The following PLEKHG6 variants were observed in gnomAD, a reference collection of about 807,000 sequenced individuals.
The protein encoded by PLEKHG6 is pleckstrin homology and RhoGEF domain containing G6, also known as pleckstrin homology domain-containing family G member 6.
In PLEKHG6, 91 loss-of-function variants were observed where a neutral mutation model predicts 97.5. The observed-to-expected ratio is 0.93, with a 90% confidence interval of 0.79 to 1.11. The LOEUF (loss-of-function observed/expected upper bound fraction) is 1.11, where lower values mean the gene tolerates loss of function less well. PLEKHG6 is among the 50% of genes most tolerant of loss of function. The probability of loss-of-function intolerance (pLI) is 0.00; values close to 1 mark genes in which losing one functional copy is unlikely to be tolerated. For missense variants in PLEKHG6, 1,044 were observed against 1,031.0 expected (o/e 1.01, Z -0.17); for synonymous variants, 466 against 425.5 (o/e 1.10, Z -1.17).
At chr12:6,310,344 G>A (rs1012190342), upstream of PLEKHG6, 1 of 152,406 alleles carries the variant, frequency 6.6e-6, no homozygotes, top group Non-Finnish European at 1.5e-5. Context: ...CACTCGCCGC[G>A]ACCAGCAGGA....
intron 13 of PLEKHG6, among the ~76,000 whole-genome samples, chr12:6,323,043 G>A (rs781333811): frequency 3.3e-5 from 5 of 151,524 alleles, no homozygotes; most frequent in Admixed American, 2.0e-4. Flanking sequence ...TTTTTCCTTC[G>A]GAACTGCCAC....
At chr12:6,319,260 C>T (rs1199151890) in intron 13 of PLEKHG6, 152 bp downstream of exon 13, 1 of 624,734 alleles carries the variant, frequency 1.6e-6, no homozygotes, top group Non-Finnish European at 2.8e-6. Flanking sequence ...CCAGCCTGGC[C>T]AACATGGTGA....
chr12:6,327,638 C>A lies in PLEKHG6; in HGVS notation c.2055C>A (p.Leu685=), dbSNP rs368981763. The A allele has an allele frequency of 6.4e-7, 1 of 1,565,016 alleles. No individual in the cohort carries two copies. The highest frequency in any genetic ancestry group is 1.4e-5 in the African/African-American group (1 of 73,574). ...GAGGGAATGTGGTGGTGGAAACACT[C>A]CACAGGGCCCGGCTTCGGGGCCAGC... ...SERGNVVVET[L]HRARLRGQLP... Residue 685 remains leucine (L), a synonymous_variant, in exon 15 of 16, where the codon CTC becomes CTA. Transcript: ENST00000684764.
At chr12:6,311,479 G>C (rs1039173248) in intron 1 of PLEKHG6, among the ~76,000 whole-genome samples, 4 of 152,196 alleles carry the variant, frequency 2.6e-5, no homozygotes, top group African/African-American at 9.7e-5. Flanking sequence ...AGACTTCGCG[G>C]CCTACACCGT....
Position 6,316,266 on chromosome 12 carries a change from G to C in PLEKHG6, c.618G>C (p.Glu206Asp), listed in dbSNP as rs1267049366. ...GCTCCCTCCTCCAGGTGTCAGCTGA[G>C]ACCCTGTTTGGAAATGTCCCCAGCC... ...RVGLLMEVSA[E>D]TLFGNVPSLI... is the part of the protein sequence containing the mutation. The change falls in exon 7 of 16, where the codon GAG becomes GAC. Residue 206 changes from glutamate (E) to aspartate (D), a missense_variant. Transcript: ENST00000684764. This position sits in a 1 kb window ranked among gnomAD's most constrained non-coding sequence, Gnocchi z 4.1. 2 of 1,553,578 alleles carry C rather than the reference G, an allele frequency of 1.3e-6. No individual in the cohort carries two copies. Among genetic ancestry groups the C allele is most frequent in the South Asian group, 1.2e-5 (1 of 84,042 alleles).
chr12:6,311,830 AC>A (rs969799262), intron 1 of PLEKHG6, among the ~76,000 whole-genome samples: 4 of 144,764 alleles, frequency 2.8e-5, no homozygotes, highest in African/African-American at 1.0e-4. Flanking sequence ...GAACCCTCCC[AC>A]CTGGGTGTAT....
At chr12:6,325,069 G>C (rs930568535) in intron 13 of PLEKHG6, among the ~76,000 whole-genome samples, 3 of 152,110 alleles carry the variant, frequency 2.0e-5, no homozygotes, top group African/African-American at 7.2e-5. Context: ...GGCCATACCA[G>C]CAAGTCCTGA....
At chr12:6,312,814 G>A (rs964979581) in intron 2 of PLEKHG6, 3 of 1,235,434 alleles carry the variant, frequency 2.4e-6, no homozygotes, top group South Asian at 4.3e-5. Context: ...TGCCTGCCTT[G>A]GCTCCACCCC....
intron 7 of PLEKHG6, 139 bp from the exon 8 acceptor site, chr12:6,317,163 TG>T: frequency 1.6e-6 from 1 of 622,334 alleles, no homozygotes; most frequent in South Asian, 1.9e-5. Flanking sequence ...GGGAGGATCC[TG>T]GGAGGGAGGG....
intron 13 of PLEKHG6, among the ~76,000 whole-genome samples, chr12:6,319,933 G>A (rs1453893685): frequency 2.6e-5 from 4 of 152,182 alleles, no homozygotes; most frequent in African/African-American, 4.8e-5. Context: ...GTTTGGAAGG[G>A]ACACAGAGGA....
Position 6,315,200 on chromosome 12 carries a change from C to T in PLEKHG6, c.459+31C>T. On this transcript the variant is annotated intron_variant, in intron 4 of 15. Transcript: ENST00000684764. This position sits in a 1 kb window ranked among gnomAD's most constrained non-coding sequence, Gnocchi z 4.5. Reference sequence around the variant, plus strand: ...CCTGAAACTCACAAGGTGAGTCTGTCCCCACGGCGTGAATGCACACACAGA... The same window carrying T: ...CCTGAAACTCACAAGGTGAGTCTGTTCCCACGGCGTGAATGCACACACAGA... 6.3e-7 allele frequency: 1 copy of T among 1,588,982 alleles called. No homozygotes were observed. The highest frequency in any genetic ancestry group is 8.6e-7 in the Non-Finnish European group (1 of 1,166,200).
Position 6,328,245 on chromosome 12 carries a change from C to T in PLEKHG6, c.*100C>T, listed in dbSNP as rs189775168. 31 of 1,278,410 alleles carry T rather than the reference C, an allele frequency of 2.4e-5. No individual in the cohort carries two copies. The African/African-American group carries it at 3.4e-4, about 14-fold the overall frequency. 79.2% of individuals were successfully genotyped at this position (1,278,410 alleles called of 1,614,324 possible). The stretch of plus-strand genomic sequence containing the variant: ...ATCTGTGACTCTACCTCAAGGACCA[C>T]ATTTCCCAAAGGAAGCCTGGCCCAG... On this transcript the variant is annotated 3_prime_UTR_variant, in exon 16 of 16. Transcript: ENST00000684764.
chr12:6,317,578 A>C lies in PLEKHG6; in HGVS notation c.899A>C (p.Gln300Pro), dbSNP rs1048879376. 6.2e-7 allele frequency: 1 copy of C among 1,613,758 alleles called. No individual in the cohort carries two copies. Among genetic ancestry groups the C allele is most frequent in the Non-Finnish European group, 8.5e-7 (1 of 1,180,012 alleles). The change falls in exon 9 of 16, where the codon CAG becomes CCG. Residue 300 changes from glutamine (Q) to proline (P), a missense_variant. Transcript: ENST00000684764. Reference protein sequence around the residue: ...WCEKHKRSGRQMLCDLLIKPH... With the variant: ...WCEKHKRSGRPMLCDLLIKPH... ...GAGAAGCACAAGCGCTCTGGGAGGC[A>C]GATGCTCTGTGACTTGCTTATCAAG...
intron 1 of PLEKHG6, among the ~76,000 whole-genome samples, chr12:6,311,950 G>A (rs372568171): frequency 6.6e-6 from 1 of 152,098 alleles, no homozygotes; most frequent in South Asian, 2.1e-4. Context: ...TCTCCAAGGG[G>A]CTTCCTACCC....
rs767259777 is a variant in PLEKHG6 at position 6,326,396 on chromosome 12, GA to G, written c.1525-31del. On this transcript the variant is annotated intron_variant, in intron 13 of 15. Transcript: ENST00000684764. Reference sequence around the variant, plus strand: ...CAAACAGCAAGTGCTCAATAAATGAGAGCTCTTAATAACGAAAGTGTCCTGT... The same window carrying G: ...CAAACAGCAAGTGCTCAATAAATGAGGCTCTTAATAACGAAAGTGTCCTGT... The G allele has an allele frequency of 5.5e-5, 87 of 1,588,706 alleles. 1 individual carries two copies. Among genetic ancestry groups the G allele is most frequent in the South Asian group, 1.7e-4 (15 of 90,506 alleles).
intron 13 of PLEKHG6, among the ~76,000 whole-genome samples, chr12:6,320,663 G>C (rs918291814): frequency 6.6e-6 from 1 of 152,162 alleles, no homozygotes; most frequent in African/African-American, 2.4e-5. Flanking sequence ...CTGCAAATCT[G>C]CGAAGACTCT....
intron 2 of PLEKHG6, chr12:6,312,935 T>C: frequency 7.1e-7 from 1 of 1,408,040 alleles, no homozygotes; most frequent in South Asian, 1.5e-5. Context: ...CAGTTCTGCT[T>C]GTGGCTGGGA....
rs895798657 is a variant in PLEKHG6, at chr12:6,327,309, G to A, written c.1726G>A (p.Glu576Lys). The change falls in exon 15 of 16, where the codon GAA (glutamate) becomes AAA (lysine). Residue 576 changes from glutamate to lysine, a missense_variant. Glu to Lys is a moderately conservative substitution (Grantham distance 56, BLOSUM62 1). Transcript: ENST00000684764. Reference protein sequence around the residue: ...PHLVVTEDTDEDAPLVPDDTS... With the variant: ...PHLVVTEDTDKDAPLVPDDTS... ...CCTGGTGGTGACAGAAGACACAGAT[G>A]AAGATGCTCCCCTTGTGCCAGATGA... is the stretch of plus-strand genomic sequence containing the variant. 1.2e-6 allele frequency: 2 copies of A among 1,613,614 alleles called. No individual in the cohort carries two copies. Among genetic ancestry groups the A allele is most frequent in the Non-Finnish European group, 1.7e-6 (2 of 1,179,754 alleles).
chr12:6,328,055 A>G, intron 15 of PLEKHG6, 81 bp from the exon 16 acceptor site: 1 of 1,583,610 alleles, frequency 6.3e-7, no homozygotes, highest in South Asian at 1.1e-5. Flanking sequence ...CTGAGGCAGG[A>G]AGGGCTCTCC....
Sources: gnomAD v4.1 joint callset for allele counts (sites outside exome capture counted in the v4.1 genomes callset) on GRCh38, gnomAD v4.1.1 for gene constraint, Gnocchi (gnomAD v3.1) non-coding constraint, MANE v1.5 for transcripts, NCBI Gene and HGNC (gene_info 2026-07-23, HGNC 2026-07-21) for gene names.